Variants in INSIG1 observed in about 807,000 individuals in gnomAD.
The protein encoded by INSIG1 is insulin induced gene 1.
In INSIG1, 14 loss-of-function variants were observed where a neutral mutation model predicts 26.5. That is an observed-to-expected ratio of 0.53 (90% CI 0.35 to 0.83). The LOEUF (loss-of-function observed/expected upper bound fraction) is 0.83, where lower values mean the gene tolerates loss of function less well. INSIG1 is among the 40% of genes least tolerant of loss of function. INSIG1 has a pLI of 0.01. For synonymous variants in INSIG1, 147 were observed against 153.3 expected (o/e 0.96, Z 0.30); for missense variants, 272 against 368.9 (o/e 0.74, Z 2.15).
chr7:155,305,728 C>T (rs952595149), intron 5 of INSIG1, among the ~76,000 whole-genome samples: 4 of 152,184 alleles, frequency 2.6e-5, no homozygotes, highest in Admixed American at 2.6e-4. Context: ...GCCCAGTGCA[C>T]TCCACACCCT....
At chr7:155,301,491 T>C in intron 2 of INSIG1, 75 bp from the exon 3 acceptor site, 1 of 1,377,292 alleles carries the variant, frequency 7.3e-7, no homozygotes, top group South Asian at 1.5e-5. Context: ...TAATGTACTG[T>C]GTTACTAATG....
chr7:155,303,920 T>G, intron 5 of INSIG1: 5 of 1,272,046 alleles, frequency 3.9e-6, no homozygotes, highest in Non-Finnish European at 5.3e-6. Context: ...CTTCCACTGG[T>G]TACTGACTCT....
intron 5 of INSIG1, among the ~76,000 whole-genome samples, chr7:155,303,631 C>T (rs1797853634): frequency 6.6e-6 from 1 of 152,174 alleles, no homozygotes; most frequent in Non-Finnish European, 1.5e-5. Context: ...TAAAAATTGA[C>T]ATCTTAGCAC....
At chr7:155,298,784 G>C in intron 2 of INSIG1, 87 bp downstream of exon 2, 1 of 1,224,528 alleles carries the variant, frequency 8.2e-7, no homozygotes, top group Non-Finnish European at 1.1e-6. Flanking sequence ...ACATGCATTT[G>C]AAACTGGAAC....
chr7:155,308,074 G>T (rs1442948608), intron 5 of INSIG1, among the ~76,000 whole-genome samples, 167 bp from the exon 6 acceptor site: 1 of 152,154 alleles, frequency 6.6e-6, no homozygotes, highest in East Asian at 1.9e-4. Context: ...GGGAGAGCTG[G>T]CCTCGGTCTC....
In INSIG1 at chr7:155,309,553, G is replaced by A. The variant is rs1303956360; in HGVS notation, c.*1283G>A. ...CCTTTTTGTATTTTGCAATTTACAT[G>A]TGTTTGGTTTGTTTTAAATTCTGTG... On this transcript the variant is annotated 3_prime_UTR_variant, in exon 6 of 6. Transcript: ENST00000340368. 6.6e-6 allele frequency: 1 copy of A among 152,312 alleles called. No homozygotes were observed. The highest frequency in any genetic ancestry group is 6.6e-5 in the Admixed American group (1 of 15,264). The allele number at this position is 152,312 out of a possible 1,614,324, so 9.4% of individuals were successfully genotyped here.
intron 5 of INSIG1, among the ~76,000 whole-genome samples, chr7:155,306,805 A>G (rs1797947471): frequency 6.9e-6 from 1 of 144,230 alleles, no homozygotes; most frequent in Non-Finnish European, 1.6e-5. Flanking sequence ...CTTTCAACAC[A>G]TAGCTCGCAC....
intron 5 of INSIG1, among the ~76,000 whole-genome samples, chr7:155,304,509 G>T (rs1797882572): frequency 6.6e-6 from 1 of 152,174 alleles, no homozygotes; most frequent in South Asian, 2.1e-4. Flanking sequence ...AACATTTAAA[G>T]AGTTGGTTAT....
chr7:155,298,426 G>C lies in INSIG1; in HGVS notation c.141G>C (p.Leu47=), dbSNP rs1797687606. ...MINVSVSGPS[L]LAAHGAPDAD... is the part of the protein sequence containing the mutation. The stretch of plus-strand genomic sequence containing the variant: ...ACGTTTCCGTGTCCGGGCCCTCCCT[G>C]CTGGCGGCCCACGGTGCCCCGGACG... The change falls in exon 2 of 6, where the codon CTG becomes CTC. Residue 47 remains leucine, a synonymous_variant. Transcript: ENST00000340368. The C allele has an allele frequency of 1.3e-6, 2 of 1,556,772 alleles. No individual in the cohort carries two copies. Among genetic ancestry groups the C allele is most frequent in the African/African-American group, 2.7e-5 (2 of 73,630 alleles).
In INSIG1 at chr7:155,300,778, A is replaced by T. The variant is rs141887013; in HGVS notation, c.413-788A>T. Among the ~76,000 whole-genome samples the T allele has an allele frequency of 4.9e-3, 754 of 152,354 alleles. 7 individuals carry two copies. Among genetic ancestry groups the T allele is most frequent in the African/African-American group, 0.017 (704 of 41,582 alleles). On this transcript the variant is annotated intron_variant, in intron 2 of 5. Transcript: ENST00000340368. Reference sequence around the variant, plus strand: ...CCAGTTACATAATCCTTATAATTTTACACATGAGAAAACAAACATGCAGAG... The same window carrying T: ...CCAGTTACATAATCCTTATAATTTTTCACATGAGAAAACAAACATGCAGAG...
chr7:155,307,216 T>C (rs1054211292), intron 5 of INSIG1, among the ~76,000 whole-genome samples: 7 of 152,232 alleles, frequency 4.6e-5, no homozygotes, highest in South Asian at 2.1e-4. Context: ...GAAGGTCTTA[T>C]TGTGTGTGTC....
rs1011567026 is a variant in INSIG1, at chr7:155,308,601, G to C, written c.*331G>C. 2 of 291,658 alleles carry C rather than the reference G, an allele frequency of 6.9e-6. No homozygotes were observed. Among genetic ancestry groups the C allele is most frequent in the African/African-American group, 4.2e-5 (2 of 47,744 alleles). The allele number at this position is 291,658 out of a possible 1,614,324, so 18.1% of individuals were successfully genotyped here. On this transcript the variant is annotated 3_prime_UTR_variant, in exon 6 of 6. Transcript: ENST00000340368. Reference sequence around the variant, plus strand: ...ACAAGTTGCCATATTTCAAAGCCTTGAACTAAGACTCAATTACCAACCCGC... The same window carrying C: ...ACAAGTTGCCATATTTCAAAGCCTTCAACTAAGACTCAATTACCAACCCGC...
intron 5 of INSIG1, chr7:155,303,977 T>A: frequency 1.7e-4 from 2 of 11,782 alleles, no homozygotes; most frequent in Non-Finnish European, 3.6e-4. Flanking sequence ...TTTGCTTGCC[T>A]TTTTTTTTTT....
rs1361541671 is a variant in INSIG1, at chr7:155,298,159, G to A, written c.-27-100G>A. On this transcript the variant is annotated intron_variant, in intron 1 of 5. Coordinates refer to ENST00000340368, the MANE Select transcript of INSIG1 (RefSeq NM_005542.6). ...GCGCACGGGGGTCTAACCTTGGGGGGCGGCGCTGCCGCCTGGCCCGGGTGC... is the reference window on the plus strand; with the variant it reads ...GCGCACGGGGGTCTAACCTTGGGGGACGGCGCTGCCGCCTGGCCCGGGTGC... 2.2e-5 allele frequency: 23 copies of A among 1,049,944 alleles called. No homozygotes were observed. In the South Asian group the frequency reaches 3.2e-4, roughly 15 times the overall value. The allele number at this position is 1,049,944 out of a possible 1,614,324, so 65.0% of individuals were successfully genotyped here. A position where few individuals can be genotyped will look rare whatever the true frequency, so the allele number is the denominator to read the frequency against.
intron 2 of INSIG1, among the ~76,000 whole-genome samples, chr7:155,299,589 A>G (rs180756411): frequency 6.6e-6 from 1 of 152,300 alleles, no homozygotes; most frequent in African/African-American, 2.4e-5. Context: ...ACAAGCCCCT[A>G]TCCTTAAGCA....
chr7:155,309,230 A>G lies in INSIG1; in HGVS notation c.*960A>G, dbSNP rs1303956172. The G allele has an allele frequency of 3.3e-5, 5 of 152,638 alleles. No individual in the cohort carries two copies. In the East Asian group the frequency reaches 7.7e-4, roughly 23 times the overall value. The allele number at this position is 152,638 out of a possible 1,614,324, so 9.5% of individuals were successfully genotyped here. On this transcript the variant is annotated 3_prime_UTR_variant, in exon 6 of 6. Transcript: ENST00000340368. ...CTAGTCAATGATATTGGTGAGCACA[A>G]TGTATTCATTTAATGGCATAGACCA...
rs11323287 is a variant in INSIG1, at chr7:155,308,738, T to TA, written c.*479dup. ...AGATTTTTAAAAATAGGGCTGTGTT[T>TA]AAAAAAAAAAACAAAACAAGAAAAG... On this transcript the variant is annotated 3_prime_UTR_variant, in exon 6 of 6. Transcript: ENST00000340368. 17,991 of 149,998 alleles carry TA rather than the reference T, an allele frequency of 0.12. 1,001 individuals are homozygous for TA. Among genetic ancestry groups the TA allele is most frequent in the South Asian group, 0.18 (889 of 4,966 alleles). The allele number at this position is 149,998 out of a possible 1,614,324, so 9.3% of individuals were successfully genotyped here.
intron 5 of INSIG1, chr7:155,303,955 A>G: frequency 1.3e-6 from 1 of 742,784 alleles, no homozygotes; most frequent in Non-Finnish European, 2.1e-6. Flanking sequence ...CTCATGATGG[A>G]GAAGAAAGGA....
At chr7:155,299,645 A>G (rs1465901174) in intron 2 of INSIG1, among the ~76,000 whole-genome samples, 1 of 152,250 alleles carries the variant, frequency 6.6e-6, no homozygotes, top group Non-Finnish European at 1.5e-5. Context: ...CAGTGACTCC[A>G]GTGCAGTGCA....
Sources: gnomAD v4.1 joint callset for allele counts (sites outside exome capture counted in the v4.1 genomes callset) on GRCh38, gnomAD v4.1.1 for gene constraint, MANE v1.5 for transcripts, NCBI Gene and HGNC (gene_info 2026-07-23, HGNC 2026-07-21) for gene names.